Variants in MYO16 observed in about 807,000 individuals in gnomAD.
The protein encoded by MYO16 is unconventional myosin-XVI.
MYO16 carries 94 observed loss-of-function variants against 205.3 expected under a neutral mutation model. The ratio of observed to expected loss-of-function variants is 0.46; its 90% CI spans 0.39 to 0.54. The LOEUF (loss-of-function observed/expected upper bound fraction) is 0.54. MYO16 is among the 20% of genes least tolerant of loss of function. The probability of loss-of-function intolerance (pLI) is 0.00; values close to 1 mark genes in which losing one functional copy is unlikely to be tolerated. For synonymous variants in MYO16, 988 were observed against 954.0 expected (o/e 1.04, Z -0.66); for missense variants, 2,315 against 2,387.5 (o/e 0.97, Z 0.63).
chr13:109,192,030 A>G (rs1000846756), intron 34 of MYO16, among the ~76,000 whole-genome samples: 22 of 152,230 alleles, frequency 1.4e-4, no homozygotes, highest in Admixed American at 4.6e-4. Context: ...AAAATAATAG[A>G]AGGATTTCCA....
rs950139603 is a variant in MYO16, at chr13:109,162,836, G to A, written c.5165-2065G>A. Among the ~76,000 whole-genome samples, 4 of 152,026 alleles carry A rather than the reference G, an allele frequency of 2.6e-5. No individual in the cohort carries two copies. The highest frequency in any genetic ancestry group is 7.2e-5 in the African/African-American group (3 of 41,392). On this transcript the variant is annotated intron_variant, in intron 32 of 34. Transcript: ENST00000457511. The surrounding 1 kb of genome is among the most constrained non-coding windows in gnomAD (Gnocchi z 4.6). ...AACAGAACCTGTTTTACTGGCATTC[G>A]GAAGCTTAACAGAAATAAAAAAAAG...
chr13:108,601,658 A>C (rs1878767972), intron 1 of MYO16, among the ~76,000 whole-genome samples: 2 of 152,132 alleles, frequency 1.3e-5, no homozygotes, highest in African/African-American at 4.8e-5. Flanking sequence ...GGCTATGCAC[A>C]TTCACCTGCA....
At chr13:108,570,898 T>C in the MYO16 span, among the ~76,000 whole-genome samples, 61 of 152,310 alleles carry the variant, frequency 4.0e-4, no homozygotes, top group African/African-American at 1.4e-3. Flanking sequence ...GGCCATTATT[T>C]TGAATTAAAA....
At chr13:108,949,805 G>A (rs902226332) in intron 16 of MYO16, among the ~76,000 whole-genome samples, 1 of 152,102 alleles carries the variant, frequency 6.6e-6, no homozygotes, top group African/African-American at 2.4e-5. Context: ...AGACATTATG[G>A]TATTGGTAGA....
At chr13:109,023,779 A>G (rs1046481448) in intron 23 of MYO16, among the ~76,000 whole-genome samples, 2 of 117,018 alleles carry the variant, frequency 1.7e-5, no homozygotes, top group Admixed American at 9.8e-5. Context: ...TTATATACAT[A>G]TTATATGCAT....
intron 4 of MYO16, among the ~76,000 whole-genome samples, chr13:108,750,389 T>C (rs1885193232): frequency 6.6e-6 from 1 of 152,148 alleles, no homozygotes; most frequent in Non-Finnish European, 1.5e-5. Flanking sequence ...GTGCCGATAA[T>C]GAGAGGGCTC....
At chr13:108,938,043 G>GT (rs989721160) in intron 16 of MYO16, among the ~76,000 whole-genome samples, 21 of 151,528 alleles carry the variant, frequency 1.4e-4, no homozygotes, top group African/African-American at 3.9e-4. Context: ...TTATGCATGT[G>GT]TTTTTTTTCT....
rs375553898 is a variant in MYO16 at position 109,017,370 on chromosome 13, C to T, written c.2596-2341C>T. Among the ~76,000 whole-genome samples, 256 of 152,246 alleles carry T rather than the reference C, an allele frequency of 1.7e-3. 10 individuals are homozygous for T. The South Asian group carries it at 0.05, about 30-fold the overall frequency. Reference sequence around the variant, plus strand: ...GATGGGCTTCCCTTTGTGGGTAACCCGACCTTTCTCTCTGGCTACCCTTAG... The same window carrying T: ...GATGGGCTTCCCTTTGTGGGTAACCTGACCTTTCTCTCTGGCTACCCTTAG... On this transcript the variant is annotated intron_variant, in intron 22 of 34. Transcript: ENST00000457511.
intron 21 of MYO16, among the ~76,000 whole-genome samples, chr13:109,002,665 A>C (rs972889618): frequency 6.6e-6 from 1 of 152,172 alleles, no homozygotes; most frequent in Non-Finnish European, 1.5e-5. Context: ...AGATTTGAAA[A>C]AGTAATGGTT....
At chr13:108,555,960 G>A in the MYO16 span, among the ~76,000 whole-genome samples, 1 of 152,140 alleles carries the variant, frequency 6.6e-6, no homozygotes, top group Admixed American at 6.5e-5. Context: ...ATCCCATCGT[G>A]TAGATATATC....
intron 4 of MYO16, among the ~76,000 whole-genome samples, chr13:108,736,728 T>A (rs564584581): frequency 6.6e-6 from 1 of 152,182 alleles, no homozygotes. Context: ...ATAAATTACC[T>A]TGGGCAGTAT....
intron 21 of MYO16, among the ~76,000 whole-genome samples, chr13:108,998,533 T>TAAGC (rs1885110213): frequency 6.6e-6 from 1 of 152,238 alleles, no homozygotes; most frequent in African/African-American, 2.4e-5. Flanking sequence ...ACATATTTTT[T>TAAGC]AGTGTTCCAG....
chr13:109,038,496 C>T (rs948142194), intron 23 of MYO16, among the ~76,000 whole-genome samples: 2 of 152,128 alleles, frequency 1.3e-5, no homozygotes, highest in African/African-American at 4.8e-5. Context: ...TATTGGCTCT[C>T]TGGCTGTCAG....
chr13:108,599,137 C>T (rs1377796662), intron 1 of MYO16, among the ~76,000 whole-genome samples: 1 of 151,060 alleles, frequency 6.6e-6, no homozygotes, highest in Admixed American at 6.6e-5. Flanking sequence ...TGATGATTTC[C>T]AATTTCATCC....
chr13:108,553,424 C>T, the MYO16 span, among the ~76,000 whole-genome samples: 3 of 152,148 alleles, frequency 2.0e-5, no homozygotes, highest in Non-Finnish European at 1.5e-5. Context: ...ACCCAATTCT[C>T]GCATCCCTGG....
chr13:108,697,964 C>G (rs953421923), intron 2 of MYO16, among the ~76,000 whole-genome samples: 13 of 152,282 alleles, frequency 8.5e-5, no homozygotes, highest in Admixed American at 8.5e-4. Flanking sequence ...CTCAAGTGAT[C>G]CACCCGCCTT....
chr13:109,015,189 T>C (rs1238206576), intron 22 of MYO16, among the ~76,000 whole-genome samples: 2 of 152,154 alleles, frequency 1.3e-5, no homozygotes, highest in Non-Finnish European at 2.9e-5. Flanking sequence ...TGAATTTTGT[T>C]GAAGGCATTT....
At position 108,823,101 on chromosome 13, in the gene MYO16, A is replaced by G; in HGVS notation, c.944-24A>G. 2.5e-6 allele frequency: 4 copies of G among 1,595,640 alleles called. No individual in the cohort carries two copies. In the South Asian group the frequency reaches 4.4e-5, roughly 18 times the overall value. ...GCTATCACCACCCATCATTTTTCTG[A>G]TTTTTCTTATTTTTTTCTTGTAGAT... On this transcript the variant is annotated intron_variant, in intron 8 of 34. Coordinates refer to ENST00000457511, the MANE Select transcript of MYO16 (RefSeq NM_001198950.3).
At chr13:108,685,307 C>T (rs887397142) in intron 2 of MYO16, among the ~76,000 whole-genome samples, 2 of 152,108 alleles carry the variant, frequency 1.3e-5, no homozygotes, top group African/African-American at 4.8e-5. Flanking sequence ...AGGTGTGAGC[C>T]ACTGCACCCA....
Sources: allele counts gnomAD v4.1 joint callset (sites outside exome capture counted in the v4.1 genomes callset), GRCh38; gene constraint gnomAD v4.1.1; non-coding constraint Gnocchi (gnomAD v3.1); transcripts MANE v1.5; gene names NCBI Gene and HGNC (gene_info 2026-07-23, HGNC 2026-07-21).